The following GPC5 variants were observed in gnomAD, a reference collection of about 807,000 sequenced individuals.
GPC5 encodes the protein glypican 5, also known as glypican-5.
A neutral mutation model predicts 53.9 loss-of-function variants in GPC5; 47 were observed. The ratio of observed to expected loss-of-function variants is 0.87; its 90% CI spans 0.69 to 1.11. The LOEUF (loss-of-function observed/expected upper bound fraction) is 1.11. Among genes scored for constraint, GPC5 ranks in the 50% most tolerant of loss-of-function variants. The probability of loss-of-function intolerance (pLI) is 0.00; values close to 1 mark genes in which losing one functional copy is unlikely to be tolerated. For missense variants in GPC5, 748 were observed against 713.1 expected, an observed-to-expected ratio of 1.05 and a Z score of -0.56; for synonymous variants, 286 against 263.3, an observed-to-expected ratio of 1.09 and a Z score of -0.84.
At chr13:92,308,960 CAATTTA>C (rs2139207322) in intron 7 of GPC5, among the ~76,000 whole-genome samples, 1 of 151,804 alleles carries the variant, frequency 6.6e-6, no homozygotes, top group Non-Finnish European at 1.5e-5. Context: ...AGGGAGGTTG[CAATTTA>C]TTTATTCCTC....
intron 2 of GPC5, among the ~76,000 whole-genome samples, chr13:91,649,604 T>G (rs904457003): frequency 1.3e-5 from 2 of 152,204 alleles, no homozygotes; most frequent in Admixed American, 6.5e-5. Flanking sequence ...AAAACAGGAC[T>G]TATATTTGCA....
chr13:92,142,143 C>T (rs1231598843), intron 6 of GPC5, among the ~76,000 whole-genome samples: 8 of 152,072 alleles, frequency 5.3e-5, no homozygotes, highest in Non-Finnish European at 5.9e-5. Context: ...ACATGTATAG[C>T]TATGTATCAA....
At chr13:92,460,478 T>C (rs1419173822) in intron 7 of GPC5, among the ~76,000 whole-genome samples, 2 of 152,164 alleles carry the variant, frequency 1.3e-5, no homozygotes, top group East Asian at 3.9e-4. Flanking sequence ...ATGCTAAGCA[T>C]TTTGCCATGG....
In GPC5 at chr13:91,637,387, A is replaced by G. The variant is rs145289633; in HGVS notation, c.326-55800A>G. Among the ~76,000 whole-genome samples the G allele has an allele frequency of 2.2e-3, 341 of 152,326 alleles. 1 individual carries two copies. Among genetic ancestry groups the G allele is most frequent in the African/African-American group, 7.7e-3 (322 of 41,572 alleles). The stretch of plus-strand genomic sequence containing the variant: ...CCTAGAGATTTACATTTTAATTGTG[A>G]ATGGGTGACCTTAAAAATGTTAAAT... On this transcript the variant is annotated intron_variant, in intron 2 of 7. Transcript: ENST00000377067.
intron 7 of GPC5, among the ~76,000 whole-genome samples, chr13:92,437,660 G>A (rs1252851848): frequency 6.6e-6 from 1 of 151,976 alleles, no homozygotes; most frequent in Admixed American, 6.6e-5. Flanking sequence ...CAAACTTAGT[G>A]TCATACAACA....
chr13:91,669,543 G>A (rs7337822), intron 2 of GPC5, among the ~76,000 whole-genome samples: 40,913 of 151,976 alleles, frequency 0.27, 8,083 homozygotes, highest in African/African-American at 0.55. Flanking sequence ...ATCTCATTAT[G>A]TCAACTACAG....
chr13:92,345,901 G>T (rs531962065), intron 7 of GPC5, among the ~76,000 whole-genome samples: 2 of 152,310 alleles, frequency 1.3e-5, no homozygotes, highest in South Asian at 4.1e-4. Flanking sequence ...TGGTATTTTT[G>T]TGTTCTTGAC....
intron 5 of GPC5, among the ~76,000 whole-genome samples, chr13:91,817,325 A>G (rs1342877870): frequency 3.3e-5 from 5 of 152,234 alleles, no homozygotes; most frequent in Non-Finnish European, 1.5e-5. Context: ...AACAAATGTT[A>G]CAAAAGAATC....
chr13:92,144,736 A>G, intron 6 of GPC5, 94 bp from the exon 7 acceptor site: 1 of 1,219,412 alleles, frequency 8.2e-7, no homozygotes, highest in Non-Finnish European at 1.2e-6. Flanking sequence ...GAGTGGATCC[A>G]CATAACAAAA....
At chr13:91,768,328 T>G (rs1340530810) in intron 5 of GPC5, among the ~76,000 whole-genome samples, 2 of 152,184 alleles carry the variant, frequency 1.3e-5, no homozygotes, top group Non-Finnish European at 2.9e-5. Flanking sequence ...AAAGGAAATT[T>G]GTTGGATATT....
intron 7 of GPC5, among the ~76,000 whole-genome samples, chr13:92,358,018 C>T (rs1201095416): frequency 1.3e-5 from 2 of 151,730 alleles, no homozygotes; most frequent in Non-Finnish European, 2.9e-5. Flanking sequence ...CAAAAGTCCA[C>T]AGTCCAGAGT....
intron 7 of GPC5, among the ~76,000 whole-genome samples, chr13:92,614,739 T>C (rs796705231): frequency 5.9e-5 from 9 of 152,326 alleles, no homozygotes; most frequent in African/African-American, 2.2e-4. Flanking sequence ...AGTCAACCAT[T>C]TTCTCAACAA....
chr13:92,124,644 CAGAG>C (rs987512637), intron 6 of GPC5, among the ~76,000 whole-genome samples: 5 of 152,256 alleles, frequency 3.3e-5, no homozygotes, highest in African/African-American at 9.6e-5. Context: ...TCTGCATACA[CAGAG>C]AGCATCTCTA....
At chr13:92,836,145 T>C (rs1878212698) in intron 7 of GPC5, among the ~76,000 whole-genome samples, 1 of 152,108 alleles carries the variant, frequency 6.6e-6, no homozygotes, top group Non-Finnish European at 1.5e-5. Context: ...TAATTTGCCA[T>C]ACAAAAGTTT....
chr13:92,464,239 C>T (rs546627952), intron 7 of GPC5, among the ~76,000 whole-genome samples: 4 of 152,246 alleles, frequency 2.6e-5, no homozygotes, highest in Admixed American at 1.3e-4. Context: ...TTATGTGTTG[C>T]TTAAGACCCA....
Position 92,153,646 on chromosome 13 carries a change from A to G in GPC5, c.1561+8657A>G, listed in dbSNP as rs566930432. Among the ~76,000 whole-genome samples the G allele has an allele frequency of 1.4e-4, 22 of 152,314 alleles. No homozygotes were observed. The Middle Eastern group carries it at 0.014, about 94-fold the overall frequency. On this transcript the variant is annotated intron_variant, in intron 7 of 7. Transcript: ENST00000377067. The stretch of plus-strand genomic sequence containing the variant: ...ATCTTAGAAGTAGCAGGGCAGTGCC[A>G]CAAAACAAAAGATTATGTACAGCTC...
chr13:91,863,189 G>A (rs2039048841), intron 5 of GPC5, among the ~76,000 whole-genome samples: 1 of 152,066 alleles, frequency 6.6e-6, no homozygotes, highest in Admixed American at 6.6e-5. Flanking sequence ...ATCACAGAAT[G>A]GGTGCTGCAT....
chr13:92,703,662 A>C, intron 7 of GPC5, among the ~76,000 whole-genome samples: 1 of 150,320 alleles, frequency 6.7e-6, no homozygotes, highest in Non-Finnish European at 1.5e-5. Flanking sequence ...TTTATTTAAA[A>C]ATTTATATTT....
chr13:91,878,585 G>A (rs548653601), intron 5 of GPC5, among the ~76,000 whole-genome samples: 76 of 152,166 alleles, frequency 5.0e-4, no homozygotes, highest in Non-Finnish European at 4.7e-4. Flanking sequence ...GGACTTGGTG[G>A]GAGGTAATTG....
Sources: gnomAD v4.1 joint callset for allele counts (sites outside exome capture counted in the v4.1 genomes callset) on GRCh38, gnomAD v4.1.1 for gene constraint, MANE v1.5 for transcripts, NCBI Gene and HGNC (gene_info 2026-07-23, HGNC 2026-07-21) for gene names.